Variants in MBOAT1 observed in about 807,000 individuals in gnomAD.
MBOAT1 encodes the protein membrane-bound glycerophospholipid O-acyltransferase 1.
A neutral mutation model predicts 64.4 loss-of-function variants in MBOAT1; 67 were observed. The observed-to-expected ratio is 1.04, with a 90% CI of 0.85 to 1.27. MBOAT1 has a LOEUF of 1.27. MBOAT1 is among the 50% of genes most tolerant of loss of function. The pLI is 0.00. For missense variants in MBOAT1, 563 were observed against 604.6 expected, an observed-to-expected ratio of 0.93 and a Z score of 0.72; for synonymous variants, 229 against 218.9, an observed-to-expected ratio of 1.05 and a Z score of -0.41.
At chr6:20,183,851 G>A (rs1762573169) in intron 1 of MBOAT1, among the ~76,000 whole-genome samples, 1 of 152,210 alleles carries the variant, frequency 6.6e-6, no homozygotes, top group African/African-American at 2.4e-5. Flanking sequence ...CACATGGCTG[G>A]GGAGGCCTCT....
intron 1 of MBOAT1, among the ~76,000 whole-genome samples, chr6:20,189,342 C>T (rs1165355618): frequency 2.0e-5 from 3 of 152,160 alleles, no homozygotes; most frequent in Non-Finnish European, 4.4e-5. Flanking sequence ...ATATGTATTA[C>T]CTCACACACA....
chr6:20,164,426 A>G (rs1303585930), intron 1 of MBOAT1, among the ~76,000 whole-genome samples: 1 of 152,236 alleles, frequency 6.6e-6, no homozygotes, highest in Non-Finnish European at 1.5e-5. Flanking sequence ...AGTACTTTAT[A>G]TACTACTTTA....
chr6:20,106,222 A>G (rs1265667802), intron 12 of MBOAT1, among the ~76,000 whole-genome samples: 1 of 152,234 alleles, frequency 6.6e-6, no homozygotes, highest in Non-Finnish European at 1.5e-5. Context: ...AAAGATTATG[A>G]AAACACTGTT....
At chr6:20,186,573 C>G (rs1011948613) in intron 1 of MBOAT1, among the ~76,000 whole-genome samples, 4 of 152,188 alleles carry the variant, frequency 2.6e-5, no homozygotes, top group African/African-American at 9.7e-5. Flanking sequence ...GTCTCTGAAT[C>G]TGGAGGGTCC....
chr6:20,112,775 C>T (rs987651418), intron 11 of MBOAT1, 101 bp downstream of exon 11: 3 of 1,327,558 alleles, frequency 2.3e-6, no homozygotes, highest in South Asian at 3.0e-5. Context: ...TCACTCCCAC[C>T]TTCACATCCC....
At chr6:20,178,932 G>GT (rs74601724) in intron 1 of MBOAT1, among the ~76,000 whole-genome samples, 161 of 147,936 alleles carry the variant, frequency 1.1e-3, no homozygotes, top group Admixed American at 3.0e-3. Context: ...TTTTTAATGG[G>GT]TTTTTTTTTT....
intron 11 of MBOAT1, among the ~76,000 whole-genome samples, chr6:20,111,373 A>G (rs1356359858): frequency 6.6e-6 from 1 of 152,172 alleles, no homozygotes; most frequent in African/African-American, 2.4e-5. Flanking sequence ...ATCAGCTATG[A>G]GATTTTACTG....
chr6:20,160,543 T>C (rs766249185), intron 1 of MBOAT1, among the ~76,000 whole-genome samples: 21 of 152,168 alleles, frequency 1.4e-4, no homozygotes, highest in Admixed American at 4.6e-4. Flanking sequence ...CATAAGGGGC[T>C]CATATTCAAA....
At chr6:20,202,859 GA>G (rs1384625235) in intron 1 of MBOAT1, among the ~76,000 whole-genome samples, 1 of 152,134 alleles carries the variant, frequency 6.6e-6, no homozygotes, top group Non-Finnish European at 1.5e-5. Context: ...TTTACTAAAA[GA>G]GCTGACTTAA....
At chr6:20,203,800 TAAAAAAA>T (rs59442669) in intron 1 of MBOAT1, among the ~76,000 whole-genome samples, 2 of 139,704 alleles carry the variant, frequency 1.4e-5, no homozygotes, top group African/African-American at 5.2e-5. Context: ...TGGGCCCGTT[TAAAAAAA>T]AAAAAAAAAT....
chr6:20,173,627 G>A (rs1209963391), intron 1 of MBOAT1, among the ~76,000 whole-genome samples: 1 of 152,206 alleles, frequency 6.6e-6, no homozygotes, highest in East Asian at 1.9e-4. Context: ...TGCAGAGCTA[G>A]GCAGTGCAAG....
At chr6:20,152,559 T>C in intron 2 of MBOAT1, 65 bp downstream of exon 2, 1 of 1,524,932 alleles carries the variant, frequency 6.6e-7, no homozygotes, top group South Asian at 1.3e-5. Flanking sequence ...TTTAGTGCAA[T>C]TCCAAGGACA....
chr6:20,129,217 G>A (rs987173254), intron 5 of MBOAT1, among the ~76,000 whole-genome samples: 4 of 152,070 alleles, frequency 2.6e-5, no homozygotes, highest in Non-Finnish European at 5.9e-5. Context: ...AAAAGAAACA[G>A]GAGACTTTCC....
intron 1 of MBOAT1, among the ~76,000 whole-genome samples, chr6:20,153,036 G>C (rs1333582188): frequency 6.6e-6 from 1 of 152,016 alleles, no homozygotes; most frequent in Non-Finnish European, 1.5e-5. Context: ...GGGTTTCACC[G>C]TGTTAGCAAG....
chr6:20,147,153 C>T (rs1761348970), intron 3 of MBOAT1, among the ~76,000 whole-genome samples: 2 of 152,256 alleles, frequency 1.3e-5, no homozygotes, highest in Non-Finnish European at 2.9e-5. Flanking sequence ...CCTCTCCAGC[C>T]ACGTGGAACT....
chr6:20,145,508 C>T (rs1427871387), intron 3 of MBOAT1, among the ~76,000 whole-genome samples: 1 of 152,222 alleles, frequency 6.6e-6, no homozygotes, highest in Non-Finnish European at 1.5e-5. Flanking sequence ...CCATATTCAC[C>T]TACTGTGTGT....
chr6:20,126,958 G>A (rs1442963420), intron 6 of MBOAT1, among the ~76,000 whole-genome samples: 1 of 152,158 alleles, frequency 6.6e-6, no homozygotes, highest in African/African-American at 2.4e-5. Context: ...AGAGCTGGGC[G>A]AGGGCAAGTG....
chr6:20,196,635 T>C (rs559009896), intron 1 of MBOAT1, among the ~76,000 whole-genome samples: 1 of 152,054 alleles, frequency 6.6e-6, no homozygotes, highest in Non-Finnish European at 1.5e-5. Flanking sequence ...CCAAGGCAGG[T>C]GGATCACCTG....
chr6:20,140,889 G>C (rs1030531065), intron 4 of MBOAT1, among the ~76,000 whole-genome samples: 1 of 152,230 alleles, frequency 6.6e-6, no homozygotes, highest in Admixed American at 6.5e-5. Context: ...CTAGCTAAAC[G>C]TATGACACAA....
Sources: allele counts gnomAD v4.1 joint callset (sites outside exome capture counted in the v4.1 genomes callset), GRCh38; gene constraint gnomAD v4.1.1; transcripts MANE v1.5; gene names NCBI Gene and HGNC (gene_info 2026-07-23, HGNC 2026-07-21).